The following PCDH15 variants were observed in gnomAD, a reference collection of about 807,000 sequenced individuals.
PCDH15 encodes the protein protocadherin related 15.
Under a neutral mutation model 178.5 loss-of-function variants are expected in PCDH15, and 129 were observed. The observed-to-expected ratio is 0.72, with a 90% CI of 0.63 to 0.84. The LOEUF (loss-of-function observed/expected upper bound fraction) is 0.84. Among genes scored for constraint, PCDH15 ranks in the 40% least tolerant of loss-of-function variants. The probability of loss-of-function intolerance (pLI) is 0.00; values close to 1 mark genes in which losing one functional copy is unlikely to be tolerated. For synonymous variants in PCDH15, 800 were observed against 732.0 expected, an observed-to-expected ratio of 1.09 and a Z score of -1.50; for missense variants, 2,230 against 2,099.9, an observed-to-expected ratio of 1.06 and a Z score of -1.21.
At chr10:54,397,074 T>G (rs1159426724) in intron 3 of PCDH15, among the ~76,000 whole-genome samples, 1 of 152,114 alleles carries the variant, frequency 6.6e-6, no homozygotes, top group Non-Finnish European at 1.5e-5. Flanking sequence ...GGCTTTAATA[T>G]TGCCCTCATC....
intron 3 of PCDH15, among the ~76,000 whole-genome samples, chr10:54,510,604 G>T (rs191199563): frequency 7.8e-4 from 119 of 152,224 alleles, no homozygotes; most frequent in Non-Finnish European, 1.5e-3. Flanking sequence ...AATGGCCAAG[G>T]CTCTTCAGGA....
chr10:54,272,704 C>G (rs1482279547), intron 8 of PCDH15, among the ~76,000 whole-genome samples: 1 of 152,072 alleles, frequency 6.6e-6, no homozygotes, highest in Non-Finnish European at 1.5e-5. Context: ...ATCACGCATC[C>G]TAAACCAAAC....
chr10:54,739,013 G>A (rs1184830050), intron 1 of PCDH15, among the ~76,000 whole-genome samples: 1 of 151,938 alleles, frequency 6.6e-6, no homozygotes, highest in Admixed American at 6.6e-5. Flanking sequence ...AAGGCAAATA[G>A]GCTAACTTTC....
At chr10:54,638,168 GA>G (rs960296690) in intron 2 of PCDH15, among the ~76,000 whole-genome samples, 5 of 151,384 alleles carry the variant, frequency 3.3e-5, no homozygotes, top group East Asian at 1.9e-4. Context: ...ATGGTCTCAT[GA>G]AAAAAAAGAT....
chr10:54,747,869 G>A (rs1367259088), intron 1 of PCDH15, among the ~76,000 whole-genome samples: 2 of 147,896 alleles, frequency 1.4e-5, no homozygotes, highest in Non-Finnish European at 3.0e-5. Context: ...GCAGTGGCGT[G>A]ATCTCCGCTC....
intron 21 of PCDH15, among the ~76,000 whole-genome samples, chr10:53,976,556 G>T (rs566954944): frequency 6.6e-5 from 10 of 152,066 alleles, no homozygotes; most frequent in Admixed American, 3.9e-4. Context: ...AAACTCCTCT[G>T]CATATACTCA....
At chr10:53,811,956 T>A (rs910943128) in intron 35 of PCDH15, among the ~76,000 whole-genome samples, 1 of 152,210 alleles carries the variant, frequency 6.6e-6, no homozygotes, top group South Asian at 2.1e-4. Flanking sequence ...TATCAATCAA[T>A]AGTTAATATT....
At chr10:53,840,214 A>C in intron 29 of PCDH15, 106 bp downstream of exon 29, 10 of 1,327,300 alleles carry the variant, frequency 7.5e-6, no homozygotes, top group Admixed American at 3.4e-5. Context: ...ACTTTCAGTA[A>C]CTATTTGGTG....
intron 2 of PCDH15, among the ~76,000 whole-genome samples, chr10:55,073,686 C>G (rs1841807889): frequency 6.6e-6 from 1 of 152,002 alleles, no homozygotes. Flanking sequence ...GAGTTCCCCC[C>G]TCTTCAATTT....
chr10:54,321,609 G>A (rs11004232), intron 7 of PCDH15, among the ~76,000 whole-genome samples: 7,138 of 151,772 alleles, frequency 0.047, 514 homozygotes, highest in African/African-American at 0.16. Flanking sequence ...TTAATGTTAT[G>A]TTTTCTTTCA....
In PCDH15 at chr10:54,267,691, A is replaced by C. The variant is rs2057782912; in HGVS notation, c.877-30760T>G. 2.0e-5 allele frequency among the ~76,000 whole-genome samples: 3 copies of C among 151,924 alleles called. No individual in the cohort carries two copies. In the South Asian group the frequency reaches 6.2e-4, roughly 31 times the overall value. On this transcript the variant is annotated intron_variant, in intron 8 of 37. Transcript: ENST00000644397. ...ATTTATGAGAGCCACAAGAGAAAAA[A>C]ATGAAATACTTAGGAATACCTCTAA...
In PCDH15 at chr10:54,752,488, A is replaced by C. The variant is rs1358086824; in HGVS notation, c.-29+48437T>G. Among the ~76,000 whole-genome samples, 31 of 92,008 alleles carry C rather than the reference A, an allele frequency of 3.4e-4. 5 individuals carry two copies. The highest frequency in any genetic ancestry group is 7.3e-4 in the Non-Finnish European group (28 of 38,542). The allele number at this position is 92,008 out of a possible 152,430, so 60.4% of individuals were successfully genotyped here. On this transcript the variant is annotated intron_variant, in intron 1 of 37. Coordinates refer to ENST00000644397, the MANE Select transcript of PCDH15 (RefSeq NM_001384140.1). ...CGAGACTCCGTCTCAAAAAAAAAAA[A>C]AAACAAAAAACAAAAAACAAAAAAC...
At chr10:55,624,703 G>A (rs1411493457) in intron 2 of PCDH15, among the ~76,000 whole-genome samples, 2 of 152,128 alleles carry the variant, frequency 1.3e-5, no homozygotes, top group Non-Finnish European at 2.9e-5. Context: ...ACATCACACA[G>A]ATTGAAGACC....
chr10:54,390,140 C>T (rs1950372130), intron 3 of PCDH15, among the ~76,000 whole-genome samples: 1 of 152,162 alleles, frequency 6.6e-6, no homozygotes, highest in Non-Finnish European at 1.5e-5. Context: ...AAACATCACA[C>T]CCTGAATTCA....
At chr10:54,889,072 T>C (rs1039265853) in intron 3 of PCDH15, among the ~76,000 whole-genome samples, 2 of 151,892 alleles carry the variant, frequency 1.3e-5, no homozygotes, top group Non-Finnish European at 1.5e-5. Flanking sequence ...AACCAAGTTA[T>C]GTGTAATATG....
At chr10:54,723,800 A>G (rs1046996239) in intron 1 of PCDH15, among the ~76,000 whole-genome samples, 2 of 151,860 alleles carry the variant, frequency 1.3e-5, no homozygotes, top group Non-Finnish European at 2.9e-5. Context: ...GCTAAACATC[A>G]GTAATCATCA....
chr10:54,679,421 C>A (rs1261580936), intron 1 of PCDH15, among the ~76,000 whole-genome samples: 6 of 152,094 alleles, frequency 3.9e-5, no homozygotes, highest in Non-Finnish European at 4.4e-5. Context: ...AAATACTGTT[C>A]ACAGAAATTA....
chr10:54,718,254 A>C (rs2095504916), intron 1 of PCDH15, among the ~76,000 whole-genome samples: 1 of 149,266 alleles, frequency 6.7e-6, no homozygotes, highest in South Asian at 2.1e-4. Context: ...TAAAACTTGA[A>C]GTATAATAAT....
At chr10:55,138,215 C>G (rs1838255905) in intron 2 of PCDH15, among the ~76,000 whole-genome samples, 1 of 152,026 alleles carries the variant, frequency 6.6e-6, no homozygotes, top group African/African-American at 2.4e-5. Context: ...ATAAGTACGT[C>G]CAATGCAATA....
Sources: allele counts gnomAD v4.1 joint callset (sites outside exome capture counted in the v4.1 genomes callset), GRCh38; gene constraint gnomAD v4.1.1; transcripts MANE v1.5; gene names NCBI Gene and HGNC (gene_info 2026-07-23, HGNC 2026-07-21).